The following ELF4 variants were observed in gnomAD, a reference collection of about 807,000 sequenced individuals.
ELF4 encodes E74 like ETS transcription factor 4.
A neutral mutation model predicts 31.7 loss-of-function variants in ELF4; 10 were observed. The ratio of observed to expected loss-of-function variants is 0.32; its 90% CI spans 0.19 to 0.54. The LOEUF is 0.54. Among genes scored for constraint, ELF4 ranks in the 20% least tolerant of loss-of-function variants. The pLI is 0.95. For synonymous variants in ELF4, 208 were observed against 226.7 expected, an observed-to-expected ratio of 0.92 and a Z score of 0.74; for missense variants, 418 against 522.0, an observed-to-expected ratio of 0.80 and a Z score of 1.94.
intron 2 of ELF4, 56 bp from the exon 3 acceptor site, chrX:130,074,808 T>TC (rs1420952429): frequency 2.6e-5 from 31 of 1,177,959 alleles, no homozygotes; most frequent in Non-Finnish European, 3.4e-5. Flanking sequence ...CAGCAAACCC[T>TC]CCCTACCAGA....
chrX:130,072,324 T>C lies in ELF4; in HGVS notation c.434A>G (p.Asn145Ser), dbSNP rs754590652. ...CTGGTCACTAGTGTCACCCGCCCTG[T>C]TCAGGGCATCGGGCTCAGAGGCAGG... ...LFPASEPDAL[N>S]RAGDTSDQEG... The change falls in exon 5 of 9, where the codon AAC (asparagine) becomes AGC (serine). Residue 145 changes from asparagine to serine, a missense_variant. Around this residue, in one of 4 missense-constraint regions of ELF4, gnomAD observed 88 missense variants for 92.4 expected, o/e 0.95. Coordinates refer to ENST00000308167, the MANE Select transcript of ELF4 (RefSeq NM_001421.4). 3.4e-5 allele frequency: 41 copies of C among 1,210,921 alleles called. No homozygotes were observed. Among genetic ancestry groups the C allele is most frequent in the Non-Finnish European group, 4.4e-5 (39 of 895,336 alleles).
At chrX:130,072,183 C>CCA in intron 5 of ELF4, 43 bp downstream of exon 5, 114 of 1,174,096 alleles carry the variant, frequency 9.7e-5, no homozygotes, top group Middle Eastern at 2.4e-4. Context: ...ACGCCCCGCC[C>CCA]ATCCCCTCGG....
chrX:130,095,187 T>A (rs1281039241), intron 1 of ELF4, among the ~76,000 whole-genome samples: 1 of 110,839 alleles, frequency 9.0e-6, no homozygotes, highest in Non-Finnish European at 1.9e-5. Flanking sequence ...GGATGTGTAG[T>A]TCTGGGGTGC....
intron 1 of ELF4, among the ~76,000 whole-genome samples, chrX:130,089,531 A>AAAAAAAC (rs1933019408): frequency 9.5e-6 from 1 of 104,974 alleles, no homozygotes; most frequent in African/African-American, 3.5e-5. Flanking sequence ...AAAAAAAAAA[A>AAAAAAAC]AAAAAACACC....
chrX:130,094,685 TGAGGG>T (rs1390696087), intron 1 of ELF4, among the ~76,000 whole-genome samples: 1 of 110,924 alleles, frequency 9.0e-6, no homozygotes, highest in Non-Finnish European at 1.9e-5. Flanking sequence ...CCGCCGCCCC[TGAGGG>T]GAGTACCTGC....
intron 1 of ELF4, among the ~76,000 whole-genome samples, chrX:130,104,359 G>A (rs1392149983): frequency 9.2e-6 from 1 of 108,845 alleles, no homozygotes; most frequent in African/African-American, 3.4e-5. Context: ...CAATGGCCGA[G>A]TTAACAAAAA....
At chrX:130,085,847 G>T (rs1406207693) in intron 1 of ELF4, among the ~76,000 whole-genome samples, 1 of 111,736 alleles carries the variant, frequency 8.9e-6, no homozygotes, top group African/African-American at 3.3e-5. Flanking sequence ...CAAGCAAAAT[G>T]GAAACTACCC....
chrX:130,078,942 G>C (rs1932862221), intron 2 of ELF4, among the ~76,000 whole-genome samples: 1 of 110,427 alleles, frequency 9.1e-6, no homozygotes, highest in Non-Finnish European at 1.9e-5. Flanking sequence ...CTGGGTGACA[G>C]AGTGAGACCC....
intron 1 of ELF4, among the ~76,000 whole-genome samples, chrX:130,107,014 G>A (rs1347730584): frequency 8.9e-6 from 1 of 112,403 alleles, no homozygotes; most frequent in East Asian, 2.8e-4. Flanking sequence ...AATGGCTCAC[G>A]CCTGTAATCA....
In ELF4 at chrX:130,066,601, T is replaced by TG. The variant is rs1269408897; in HGVS notation, c.*119dup. 1.3e-6 allele frequency: 1 copy of TG among 784,235 alleles called. No homozygotes were observed. The allele number at this position is 784,235 out of a possible 1,213,427, so 64.6% of individuals were successfully genotyped here. ...TGACACCAGGCAGGGCCGGGGGACT[T>TG]GGGGTCAAGTGTATTGACATCCCAC... is the stretch of plus-strand genomic sequence containing the variant. On this transcript the variant is annotated 3_prime_UTR_variant, in exon 9 of 9. Transcript: ENST00000308167.
At position 130,066,940 on chromosome X, in the gene ELF4, C is replaced by G; in HGVS notation, c.1773G>C (p.Pro591=). 4 of 1,211,921 alleles carry G rather than the reference C, an allele frequency of 3.3e-6. No individual in the cohort carries two copies. Among genetic ancestry groups the G allele is most frequent in the Non-Finnish European group, 4.5e-6 (4 of 895,551 alleles). ...TQVVSRGSHN[P]SLLGNQTLSP... is the part of the protein sequence containing the mutation. ...ACAAAGTCTGGTTGCCCAGAAGGCT[C>G]GGATTGTGGGAACCCCTGGAAACCA... is the stretch of plus-strand genomic sequence containing the variant. Residue 591 remains proline (P), a synonymous_variant, in exon 9 of 9, where the codon CCG becomes CCC. Transcript: ENST00000308167.
At chrX:130,088,028 T>C (rs771791478) in intron 1 of ELF4, among the ~76,000 whole-genome samples, 5 of 110,863 alleles carry the variant, frequency 4.5e-5, no homozygotes, top group Non-Finnish European at 9.4e-5. Context: ...GAACTTAATA[T>C]GGAAAGCGAC....
chrX:130,097,698 T>A (rs1295534507), intron 1 of ELF4, among the ~76,000 whole-genome samples: 2 of 112,651 alleles, frequency 1.8e-5, no homozygotes, highest in South Asian at 7.3e-4. Flanking sequence ...CAGTGCTAGG[T>A]GGTAGAGCAA....
chrX:130,082,341 C>T (rs1027311987), intron 1 of ELF4, among the ~76,000 whole-genome samples: 3 of 111,515 alleles, frequency 2.7e-5, no homozygotes, highest in Admixed American at 9.5e-5. Flanking sequence ...TCACCACTAC[C>T]GCCGCCACCC....
At chrX:130,087,440 G>A (rs908074535) in intron 1 of ELF4, among the ~76,000 whole-genome samples, 5 of 112,575 alleles carry the variant, frequency 4.4e-5, no homozygotes, top group Non-Finnish European at 9.4e-5. Flanking sequence ...AGGCCAATGA[G>A]CTAATGTAGG....
chrX:130,109,412 A>G (rs1447325302), intron 1 of ELF4, among the ~76,000 whole-genome samples: 1 of 113,117 alleles, frequency 8.8e-6, no homozygotes, highest in Non-Finnish European at 1.9e-5. Flanking sequence ...AACATTAACC[A>G]GAAGAGGCTG....
At chrX:130,107,714 G>A (rs145189209) in intron 1 of ELF4, among the ~76,000 whole-genome samples, 2,068 of 112,600 alleles carry the variant, frequency 0.018, 35 homozygotes, top group African/African-American at 0.063. Context: ...AGGCAATATC[G>A]TAAGGGCAGC....
chrX:130,066,712 C>A lies in ELF4; in HGVS notation c.*9G>T. The A allele has an allele frequency of 8.3e-7, 1 of 1,209,533 alleles. No individual in the cohort carries two copies. On this transcript the variant is annotated 3_prime_UTR_variant, in exon 9 of 9. Transcript: ENST00000308167. ...GCCTGGTGGGTCACACTTGCCCTGA[C>A]CCCTTTGCTTATATGTCATGGGGCT...
chrX:130,074,151 G>T lies in ELF4; in HGVS notation c.248-10C>A. On this transcript the variant is annotated splice_polypyrimidine_tract_variant and intron_variant, in intron 3 of 8. Coordinates refer to ENST00000308167, the MANE Select transcript of ELF4 (RefSeq NM_001421.4). The stretch of plus-strand genomic sequence containing the variant: ...GTGGCCTCATTGTCATCTGGTCCGG[G>T]TTCCATGGTGGGAGGAGAGAAGAAA... 8.3e-7 allele frequency: 1 copy of T among 1,210,675 alleles called. No individual in the cohort carries two copies. The highest frequency in any genetic ancestry group is 1.1e-6 in the Non-Finnish European group (1 of 894,681).
Sources: allele counts gnomAD v4.1 joint callset (sites outside exome capture counted in the v4.1 genomes callset), GRCh38; gene constraint gnomAD v4.1.1; regional missense constraint gnomAD v4.1.1; transcripts MANE v1.5; gene names NCBI Gene and HGNC (gene_info 2026-07-23, HGNC 2026-07-21).